The following PCGF2 variants were observed in gnomAD, a reference collection of about 807,000 sequenced individuals.
PCGF2 encodes polycomb group RING finger protein 2.
Under a neutral mutation model 36.1 loss-of-function variants are expected in PCGF2, and 8 were observed. The observed-to-expected ratio is 0.22, with a 90% CI of 0.13 to 0.40. The LOEUF is 0.40. PCGF2 is among the 10% of genes least tolerant of loss of function. The pLI is 1.00. For synonymous variants in PCGF2, 198 were observed against 191.2 expected (o/e 1.04, Z -0.29); for missense variants, 436 against 475.9 (o/e 0.92, Z 0.78).
upstream of PCGF2, chr17:38,749,493 G>C (rs951934792): frequency 2.5e-6 from 1 of 406,932 alleles, no homozygotes; most frequent in Non-Finnish European, 5.1e-6. This position sits in a 1 kb window ranked among gnomAD's most constrained non-coding sequence, Gnocchi z 6.5. Context: ...CTGGACGCCC[G>C]TGGGCCTCAT....
At chr17:38,738,675 A>G in intron 7 of PCGF2, 78 bp downstream of exon 7, 2 of 1,551,580 alleles carry the variant, frequency 1.3e-6, no homozygotes, top group Non-Finnish European at 1.8e-6. Flanking sequence ...CAATGGACAC[A>G]TCCAGAGAGG....
intron 2 of PCGF2, among the ~76,000 whole-genome samples, chr17:38,744,285 G>A (rs1005311037): frequency 1.3e-5 from 2 of 152,166 alleles, no homozygotes; most frequent in African/African-American, 4.8e-5. Flanking sequence ...TGCCATTCAA[G>A]CCTGGCACTT....
intron 3 of PCGF2, 116 bp downstream of exon 3, chr17:38,740,175 T>G: frequency 1.2e-6 from 1 of 857,308 alleles, no homozygotes; most frequent in African/African-American, 1.7e-5. Flanking sequence ...AGCAGACACG[T>G]GGGCGCGTTG....
chr17:38,741,990 T>C (rs1051391844), intron 2 of PCGF2, among the ~76,000 whole-genome samples: 2 of 152,144 alleles, frequency 1.3e-5, no homozygotes, highest in South Asian at 4.1e-4. Flanking sequence ...CTGCCACCTG[T>C]TCACAGGCTG....
chr17:38,748,486 GC>G (rs55813241), upstream of PCGF2: 13,932 of 152,204 alleles, frequency 0.092, 853 homozygotes, highest in Non-Finnish European at 0.14. Flanking sequence ...CCTTCAGGAT[GC>G]TGGCAGAGAC....
Position 38,734,696 on chromosome 17 carries a change from T to C in PCGF2, c.*527A>G, listed in dbSNP as rs708692. ...AGCAATTTCTGGACATTCAACAACG[T>C]GGGGGGCGGCCACTGGTCAGAGGCA... On this transcript the variant is annotated 3_prime_UTR_variant, in exon 11 of 11. Coordinates refer to ENST00000620225, the MANE Select transcript of PCGF2 (RefSeq NM_007144.3). 0.48 allele frequency: 72,955 copies of C among 152,478 alleles called. 17,665 individuals carry two copies. Among genetic ancestry groups the C allele is most frequent in the Middle Eastern group, 0.52 (153 of 296 alleles). 9.4% of individuals were successfully genotyped at this position (152,478 alleles called of 1,614,324 possible).
intron 2 of PCGF2, among the ~76,000 whole-genome samples, chr17:38,743,161 G>T (rs906987972): frequency 6.6e-6 from 1 of 150,952 alleles, no homozygotes; most frequent in Non-Finnish European, 1.5e-5. Context: ...TGCGATCTCG[G>T]CTCACTGCAG....
In PCGF2 at chr17:38,739,535, G is replaced by A. The variant is rs1254914394; in HGVS notation, c.209+51C>T. The A allele has an allele frequency of 5.0e-6, 7 of 1,387,334 alleles. No individual in the cohort carries two copies. Among genetic ancestry groups the A allele is most frequent in the Non-Finnish European group, 6.2e-6 (6 of 973,142 alleles). The allele number at this position is 1,387,334 out of a possible 1,614,324, so 85.9% of individuals were successfully genotyped here. A position where few individuals can be genotyped will look rare whatever the true frequency, so the allele number is the denominator to read the frequency against. On this transcript the variant is annotated intron_variant, in intron 4 of 10. Transcript: ENST00000620225. The surrounding 1 kb of genome is among the most constrained non-coding windows in gnomAD (Gnocchi z 4.0). ...AAGCACGGAGCGTGGGAGGGATGGG[G>A]GAGGCTGACCCAGAGGATCGCGGGG... is the stretch of plus-strand genomic sequence containing the variant.
intron 9 of PCGF2, among the ~76,000 whole-genome samples, chr17:38,737,785 G>A (rs1985158): frequency 0.46 from 68,850 of 151,078 alleles, 15,776 homozygotes; most frequent in Middle Eastern, 0.51. Context: ...GGTGGCAGGC[G>A]CCTGTAATCC....
At chr17:38,736,217 C>T (rs1156691089) in intron 9 of PCGF2, 47 bp from the exon 10 acceptor site, 2 of 1,305,586 alleles carry the variant, frequency 1.5e-6, no homozygotes, top group South Asian at 1.3e-5. Flanking sequence ...CAGCTCGGGG[C>T]TCCAGGCTGG....
chr17:38,748,158 C>T (rs1385921090), intron 1 of PCGF2, 38 bp downstream of exon 1: 1 of 141,960 alleles, frequency 7.0e-6, no homozygotes, highest in Non-Finnish European at 1.5e-5. Flanking sequence ...GGTTACAGGC[C>T]AGGAGAGGGA....
chr17:38,744,184 A>G (rs123843), intron 2 of PCGF2, among the ~76,000 whole-genome samples: 152,270 of 152,284 alleles, frequency 1, 76,128 homozygotes, highest in Middle Eastern at 1. Flanking sequence ...GGCAGCCCAC[A>G]TTCTGGGCCC....
intron 10 of PCGF2, among the ~76,000 whole-genome samples, chr17:38,735,866 A>T (rs1906674384): frequency 6.6e-6 from 1 of 152,008 alleles, no homozygotes; most frequent in African/African-American, 2.4e-5. Flanking sequence ...TCTGCCCCCA[A>T]ATCTGGGGAC....
At chr17:38,747,156 C>T (rs988241973) in intron 2 of PCGF2, among the ~76,000 whole-genome samples, 2 of 152,136 alleles carry the variant, frequency 1.3e-5, no homozygotes, top group Non-Finnish European at 2.9e-5. Context: ...CCTCCTCCCA[C>T]CTCAAGCCAA....
At chr17:38,738,470 T>G (rs763533433) in intron 8 of PCGF2, 22 bp from the exon 9 acceptor site, 77 of 1,613,524 alleles carry the variant, frequency 4.8e-5, no homozygotes, top group Non-Finnish European at 6.5e-5. Context: ...CAGGCACCCA[T>G]GGTAGGGGAT....
intron 2 of PCGF2, among the ~76,000 whole-genome samples, chr17:38,745,764 C>T (rs889354014): frequency 6.6e-6 from 1 of 151,872 alleles, no homozygotes; most frequent in Admixed American, 6.5e-5. Flanking sequence ...GGCGGGAAAA[C>T]CACTCAGTGG....
At chr17:38,738,945 G>C in intron 6 of PCGF2, 84 bp from the exon 7 acceptor site, 1 of 1,536,222 alleles carries the variant, frequency 6.5e-7, no homozygotes, top group Non-Finnish European at 9.0e-7. Context: ...ACTCAGCCAG[G>C]TGAGCCCAGC....
Position 38,739,198 on chromosome 17 carries a change from C to T in PCGF2, c.265G>A (p.Asp89Asn), listed in dbSNP as rs756653107. 6.2e-7 allele frequency: 1 copy of T among 1,614,052 alleles called. No individual in the cohort carries two copies. The highest frequency in any genetic ancestry group is 8.5e-7 in the Non-Finnish European group (1 of 1,179,960). The change falls in exon 5 of 11, where the codon GAT becomes AAT. Residue 89 changes from aspartate (D) to asparagine (N), a missense_variant and splice_region_variant. Asp to Asn is a conservative substitution (Grantham distance 23). Transcript: ENST00000620225. The surrounding 1 kb of genome is among the most constrained non-coding windows in gnomAD (Gnocchi z 4.0). The stretch of plus-strand genomic sequence containing the variant: ...TGGAGGAGGAATGGAGTGCAGATAC[C>T]TTTAAAAAGCCCAGGGACCAATTTG... The part of the protein sequence containing the change: ...VYKLVPGLFK[D>N]EMKRRRDFYA...
At chr17:38,738,042 G>C (rs1906900834) in intron 9 of PCGF2, among the ~76,000 whole-genome samples, 1 of 152,044 alleles carries the variant, frequency 6.6e-6, no homozygotes, top group Non-Finnish European at 1.5e-5. Context: ...TGGAATTTCA[G>C]ACTAGCCTTC....
Sources: gnomAD v4.1 joint callset for allele counts (sites outside exome capture counted in the v4.1 genomes callset) on GRCh38, gnomAD v4.1.1 for gene constraint, Gnocchi (gnomAD v3.1) non-coding constraint, MANE v1.5 for transcripts, NCBI Gene and HGNC (gene_info 2026-07-23, HGNC 2026-07-21) for gene names.